Variants in TMEM135 observed in about 807,000 individuals in gnomAD.
The protein encoded by TMEM135 is peroxisomal membrane protein 52.
TMEM135 carries 30 observed loss-of-function variants against 60.3 expected under a neutral mutation model. That is an observed-to-expected ratio of 0.50 (90% CI 0.37 to 0.68). The LOEUF is 0.68. Ranked by LOEUF, TMEM135 falls within the 30% of genes least tolerant of loss-of-function variation. TMEM135 has a pLI of 0.00. For synonymous variants in TMEM135, 190 were observed against 186.7 expected, an observed-to-expected ratio of 1.02 and a Z score of -0.14; for missense variants, 468 against 548.8, an observed-to-expected ratio of 0.85 and a Z score of 1.47.
At chr11:87,053,130 C>G (rs1302423396) in intron 1 of TMEM135, among the ~76,000 whole-genome samples, 1 of 109,768 alleles carries the variant, frequency 9.1e-6, no homozygotes, top group Non-Finnish European at 1.6e-5. Flanking sequence ...CACATGGACA[C>G]AGGAAGGGGA....
chr11:87,130,616 T>G (rs1259124267), intron 4 of TMEM135, among the ~76,000 whole-genome samples: 2 of 152,172 alleles, frequency 1.3e-5, no homozygotes, highest in Admixed American at 1.3e-4. Context: ...CTCTTGGAAC[T>G]ATAGTATGGG....
chr11:87,052,988 A>C (rs1949852353), intron 1 of TMEM135, among the ~76,000 whole-genome samples: 2 of 120,292 alleles, frequency 1.7e-5, no homozygotes, highest in African/African-American at 6.7e-5. Flanking sequence ...GCAGCCATAA[A>C]AAATGATGAG....
rs1049494173 is a variant in TMEM135, at chr11:87,327,383, A to T, written c.*6050A>T. ...ATTAAAGATGCCAGGTCAGAAAAAT[A>T]GAAAGAACCTGCTTCTGTGAGCCAC... is the stretch of plus-strand genomic sequence containing the variant. On this transcript the variant is annotated 3_prime_UTR_variant, in exon 15 of 15. Transcript: ENST00000305494. 21 of 453,844 alleles carry T rather than the reference A, an allele frequency of 4.6e-5. No individual in the cohort carries two copies. The highest frequency in any genetic ancestry group is 1.6e-4 in the Admixed American group (7 of 42,506). 28.1% of individuals were successfully genotyped at this position (453,844 alleles called of 1,614,324 possible). A position where few individuals can be genotyped will look rare whatever the true frequency, so the allele number is the denominator to read the frequency against.
At chr11:87,266,226 T>A (rs1429894686) in intron 6 of TMEM135, among the ~76,000 whole-genome samples, 1 of 152,144 alleles carries the variant, frequency 6.6e-6, no homozygotes, top group Non-Finnish European at 1.5e-5. Context: ...AATAATTTCA[T>A]GTTCTCCACC....
intron 7 of TMEM135, among the ~76,000 whole-genome samples, chr11:87,296,379 T>C (rs1942348551): frequency 6.6e-6 from 1 of 152,222 alleles, no homozygotes; most frequent in Admixed American, 6.5e-5. Flanking sequence ...GCAACAGTTC[T>C]GTGAGATGTA....
At chr11:87,084,882 G>C (rs1349613650) in intron 3 of TMEM135, among the ~76,000 whole-genome samples, 2 of 152,240 alleles carry the variant, frequency 1.3e-5, no homozygotes, top group Non-Finnish European at 2.9e-5. Flanking sequence ...CTTGGCCCCA[G>C]CTTCTCCTTT....
chr11:87,306,312 C>T (rs894841067), intron 9 of TMEM135, among the ~76,000 whole-genome samples: 2 of 152,144 alleles, frequency 1.3e-5, no homozygotes, highest in African/African-American at 4.8e-5. Context: ...AAAATTTGTA[C>T]TTTGTAATGT....
At chr11:87,046,705 G>T (rs1949799608) in intron 1 of TMEM135, among the ~76,000 whole-genome samples, 1 of 152,182 alleles carries the variant, frequency 6.6e-6, no homozygotes, top group African/African-American at 2.4e-5. Context: ...CCATGATTAT[G>T]GGTTAGGTCG....
chr11:87,259,179 T>C, intron 6 of TMEM135: 1 of 567,230 alleles, frequency 1.8e-6, no homozygotes, highest in Non-Finnish European at 3.3e-6. Context: ...GTCGTCCTCC[T>C]CCAACTCCTC....
intron 6 of TMEM135, among the ~76,000 whole-genome samples, chr11:87,243,467 G>C (rs1239898991): frequency 8.0e-6 from 1 of 125,146 alleles, no homozygotes; most frequent in Admixed American, 7.9e-5. Flanking sequence ...TCACGATATT[G>C]ATTCTTCCTA....
chr11:87,226,163 G>A (rs893980663), intron 5 of TMEM135, among the ~76,000 whole-genome samples: 24 of 152,296 alleles, frequency 1.6e-4, no homozygotes, highest in African/African-American at 5.8e-4. Flanking sequence ...GCAGCTGAAT[G>A]TCTTGGTAAA....
At chr11:87,202,611 G>A (rs973435483) in intron 5 of TMEM135, among the ~76,000 whole-genome samples, 2 of 151,822 alleles carry the variant, frequency 1.3e-5, no homozygotes, top group African/African-American at 4.8e-5. Context: ...AATCATATGT[G>A]TGTATGTAAA....
chr11:87,258,477 G>GA (rs546143015), intron 6 of TMEM135, among the ~76,000 whole-genome samples: 5 of 151,602 alleles, frequency 3.3e-5, no homozygotes, highest in African/African-American at 9.7e-5. Flanking sequence ...ATTCTTTAAG[G>GA]AAAAAAAAGA....
chr11:87,283,133 G>A (rs1273175719), intron 6 of TMEM135, among the ~76,000 whole-genome samples: 5 of 151,820 alleles, frequency 3.3e-5, no homozygotes, highest in East Asian at 1.9e-4. Flanking sequence ...TCGGGAGTTC[G>A]AGACCAGCCT....
intron 5 of TMEM135, among the ~76,000 whole-genome samples, chr11:87,214,048 T>A (rs1402389760): frequency 6.6e-6 from 1 of 152,172 alleles, no homozygotes; most frequent in African/African-American, 2.4e-5. Context: ...TAAAAATGGA[T>A]CTTTTTATGG....
intron 5 of TMEM135, among the ~76,000 whole-genome samples, chr11:87,196,942 T>C (rs1431471562): frequency 1.3e-5 from 2 of 152,132 alleles, no homozygotes; most frequent in Non-Finnish European, 2.9e-5. Flanking sequence ...TGTTAAATAT[T>C]GGTGTTTATA....
chr11:87,258,687 C>G (rs1941581471), intron 6 of TMEM135, among the ~76,000 whole-genome samples: 1 of 152,056 alleles, frequency 6.6e-6, no homozygotes, highest in African/African-American at 2.4e-5. Flanking sequence ...GGCACAGTTG[C>G]AATTAAGTCT....
intron 4 of TMEM135, among the ~76,000 whole-genome samples, chr11:87,143,110 G>A (rs1242563921): frequency 6.6e-6 from 1 of 151,754 alleles, no homozygotes; most frequent in African/African-American, 2.4e-5. Context: ...AGCTCATCTA[G>A]CAAATTTTTA....
At chr11:87,291,760 C>A (rs1422548540) in intron 6 of TMEM135, among the ~76,000 whole-genome samples, 1 of 151,930 alleles carries the variant, frequency 6.6e-6, no homozygotes, top group Admixed American at 6.6e-5. Flanking sequence ...CCAGGCTGGT[C>A]TTAAACTCCT....
Sources: allele counts gnomAD v4.1 joint callset (sites outside exome capture counted in the v4.1 genomes callset), GRCh38; gene constraint gnomAD v4.1.1; transcripts MANE v1.5; gene names NCBI Gene and HGNC (gene_info 2026-07-23, HGNC 2026-07-21).